Variants in EML3 observed in about 807,000 individuals in gnomAD.
The protein encoded by EML3 is echinoderm microtubule-associated protein-like 3.
Under a neutral mutation model 106.7 loss-of-function variants are expected in EML3, and 53 were observed. That is an observed-to-expected ratio of 0.50 (90% CI 0.40 to 0.62). The LOEUF (loss-of-function observed/expected upper bound fraction) is 0.62. EML3 is among the 20% of genes least tolerant of loss of function. The pLI is 0.00. For missense variants in EML3, 994 were observed against 1,209.1 expected (o/e 0.82, Z 2.64); for synonymous variants, 499 against 489.6 (o/e 1.02, Z -0.25).
chr11:62,602,560 A>T lies in EML3; in HGVS notation c.2606T>A (p.Val869Glu). 4 of 1,517,852 alleles carry T rather than the reference A, an allele frequency of 2.6e-6. No individual in the cohort carries two copies. Among genetic ancestry groups the T allele is most frequent in the Non-Finnish European group, 3.5e-6 (4 of 1,132,838 alleles). The allele number at this position is 1,517,852 out of a possible 1,614,324, so 94.0% of individuals were successfully genotyped here. Residue 869 changes from valine (V) to glutamate (E), a missense_variant, in exon 22 of 22, where the codon GTG becomes GAG. Around this residue, in one of 3 missense-constraint regions of EML3, gnomAD observed 713 missense variants for 920.5 expected, o/e 0.77. Coordinates refer to ENST00000394773, the MANE Select transcript of EML3 (RefSeq NM_153265.3). ...CGGCCCCGCGCCCCCAGCGCCCAGC[A>T]CTCGCCACTGGAAGATGCTGGCGTC... ...GKDASIFQWRVLGAGGAGPAP... is the reference protein window; with the variant it reads ...GKDASIFQWRELGAGGAGPAP...
chr11:62,604,433 A>AGTGCAG (rs1466181214), intron 16 of EML3, among the ~76,000 whole-genome samples: 1 of 152,046 alleles, frequency 6.6e-6, no homozygotes, highest in Non-Finnish European at 1.5e-5. Context: ...CCCAGGCTGG[A>AGTGCAG]GTGCAGTGGC....
chr11:62,609,305 T>A (rs1942692386), intron 6 of EML3, 49 bp downstream of exon 6: 2 of 1,531,438 alleles, frequency 1.3e-6, no homozygotes, highest in Non-Finnish European at 1.8e-6. Context: ...GTAAGAGGGG[T>A]CCCAAGGTGA....
intron 20 of EML3, 116 bp from the exon 21 acceptor site, chr11:62,603,005 G>T: frequency 6.7e-7 from 1 of 1,484,012 alleles, no homozygotes. Context: ...TTCCAGGCAA[G>T]CCTTCCCGGT....
At position 62,604,539 on chromosome 11, in the gene EML3, G is replaced by A. The variant is rs1386507201; in HGVS notation, c.1983-338C>T. Reference sequence around the variant, plus strand: ...ATTACAGGTGCGTACCACCATGCCCGTCTAATTTTTGTATTTTTAGTGGAG... The same window carrying A: ...ATTACAGGTGCGTACCACCATGCCCATCTAATTTTTGTATTTTTAGTGGAG... On this transcript the variant is annotated intron_variant, in intron 16 of 21. Coordinates refer to ENST00000394773, the MANE Select transcript of EML3 (RefSeq NM_153265.3). Among the ~76,000 whole-genome samples the A allele has an allele frequency of 3.9e-5, 6 of 152,008 alleles. No individual in the cohort carries two copies. In the South Asian group the frequency reaches 6.2e-4, roughly 16 times the overall value.
intron 11 of EML3, chr11:62,607,324 C>CA (rs1218026924): frequency 3.5e-4 from 132 of 372,850 alleles, no homozygotes; most frequent in South Asian, 7.9e-4. Flanking sequence ...GTCTCAAAAA[C>CA]AAAAAAAACA....
rs1942776303 is a variant in EML3 at position 62,610,875 on chromosome 11, C to T, written c.566+4G>A. 1 of 1,606,796 alleles carries T rather than the reference C, an allele frequency of 6.2e-7. No homozygotes were observed. ...GGGGTGGGTTGAGGGGAAGCCTCACCCACCTCTCTGTGCTCCCGGACCGCA... is the reference window on the plus strand; with the variant it reads ...GGGGTGGGTTGAGGGGAAGCCTCACTCACCTCTCTGTGCTCCCGGACCGCA... On this transcript the variant is annotated splice_donor_region_variant and intron_variant, in intron 4 of 21. Coordinates refer to ENST00000394773, the MANE Select transcript of EML3 (RefSeq NM_153265.3).
rs1331992484 is a variant in EML3 at position 62,604,194 on chromosome 11, C to T, written c.1990G>A (p.Val664Ile). 3 of 1,613,734 alleles carry T rather than the reference C, an allele frequency of 1.9e-6. No individual in the cohort carries two copies. The highest frequency in any genetic ancestry group is 1.7e-5 in the Admixed American group (1 of 59,990). Residue 664 changes from valine to isoleucine, a missense_variant, in exon 17 of 22, where the codon GTT becomes ATT. Coordinates refer to ENST00000394773, the MANE Select transcript of EML3 (RefSeq NM_153265.3). ...AVGLNTGRWL[V>I]LDTETREIVS... Reference sequence around the variant, plus strand: ...ATCTCTCTGGTCTCTGTGTCCAAAACCAACCACCTGGAAGGGAGGGAAGTG... The same window carrying T: ...ATCTCTCTGGTCTCTGTGTCCAAAATCAACCACCTGGAAGGGAGGGAAGTG...
chr11:62,605,479 T>C lies in EML3; in HGVS notation c.1914+163A>G, dbSNP rs934500573. On this transcript the variant is annotated intron_variant, in intron 15 of 21. Coordinates refer to ENST00000394773, the MANE Select transcript of EML3 (RefSeq NM_153265.3). This position sits in a 1 kb window ranked among gnomAD's most constrained non-coding sequence, Gnocchi z 5.2. ...AGGTGGTACTAGAAGCATCAGCTTT[T>C]ACCAGTCAGTACAGAAAAATTAATA... The C allele has an allele frequency of 4.7e-6, 5 of 1,057,882 alleles. No homozygotes were observed. The highest frequency in any genetic ancestry group is 5.1e-5 in the East Asian group (2 of 39,512). 65.5% of individuals were successfully genotyped at this position (1,057,882 alleles called of 1,614,324 possible). A position where few individuals can be genotyped will look rare whatever the true frequency, so the allele number is the denominator to read the frequency against.
rs1216261479 is a variant in EML3 at position 62,602,315 on chromosome 11, G to A, written c.*160C>T. On this transcript the variant is annotated 3_prime_UTR_variant, in exon 22 of 22. Transcript: ENST00000394773. ...CAGCCAGCGGGTCTAAACAGTGTGTGCAGGGGCGCCGTTCGCGCCCTCCAG... is the reference window on the plus strand; with the variant it reads ...CAGCCAGCGGGTCTAAACAGTGTGTACAGGGGCGCCGTTCGCGCCCTCCAG... 1.3e-6 allele frequency: 2 copies of A among 1,550,914 alleles called. No homozygotes were observed. The highest frequency in any genetic ancestry group is 1.7e-6 in the Non-Finnish European group (2 of 1,146,874).
intron 12 of EML3, among the ~76,000 whole-genome samples, chr11:62,606,647 A>G (rs1942535353): frequency 6.6e-6 from 1 of 152,240 alleles, no homozygotes; most frequent in Non-Finnish European, 1.5e-5. Context: ...ACCTGAGGTC[A>G]GGAATTCGAG....
rs1452595960 is a variant in EML3 at position 62,612,580 on chromosome 11, C to A, written c.-123G>T. 4 of 995,510 alleles carry A rather than the reference C, an allele frequency of 4.0e-6. No individual in the cohort carries two copies. Among genetic ancestry groups the A allele is most frequent in the Non-Finnish European group, 5.3e-6 (4 of 753,162 alleles). 61.7% of individuals were successfully genotyped at this position (995,510 alleles called of 1,614,324 possible). On this transcript the variant is annotated 5_prime_UTR_variant, in exon 1 of 22. Coordinates refer to ENST00000394773, the MANE Select transcript of EML3 (RefSeq NM_153265.3). ...CGCGCGAAGGGCGCCGTACCACCAC[C>A]CCGAGGGGGCGCTGTCGGGCGCGGG...
intron 13 of EML3, 29 bp from the exon 14 acceptor site, chr11:62,606,009 C>T: frequency 6.2e-7 from 1 of 1,613,630 alleles, no homozygotes; most frequent in Non-Finnish European, 8.5e-7. Context: ...ATGTCAAGAG[C>T]CCACTGACTA....
rs1266124579 is a variant in EML3 at position 62,602,753 on chromosome 11, C to T, written c.2487+6G>A. 1.2e-6 allele frequency: 2 copies of T among 1,610,832 alleles called. No individual in the cohort carries two copies. The highest frequency in any genetic ancestry group is 2.2e-5 in the East Asian group (1 of 44,820). On this transcript the variant is annotated splice_donor_region_variant and intron_variant, in intron 21 of 21. Transcript: ENST00000394773. Reference sequence around the variant, plus strand: ...GGTCCCACCCCGGCGATCCCCGCGGCCTCACCTTGGCACGAGCGCACGGGT... The same window carrying T: ...GGTCCCACCCCGGCGATCCCCGCGGTCTCACCTTGGCACGAGCGCACGGGT...
chr11:62,603,184 G>A lies in EML3; in HGVS notation c.2321C>T (p.Ala774Val), dbSNP rs760436124. 5 of 1,614,074 alleles carry A rather than the reference G, an allele frequency of 3.1e-6. No homozygotes were observed. The East Asian group carries it at 6.7e-5, about 22-fold the overall frequency. Residue 774 changes from alanine (A) to valine (V), a missense_variant, in exon 20 of 22, where the codon GCT (alanine) becomes GTT (valine). Around this residue, in one of 3 missense-constraint regions of EML3, gnomAD observed 713 missense variants for 920.5 expected, o/e 0.77. Coordinates refer to ENST00000394773, the MANE Select transcript of EML3 (RefSeq NM_153265.3). ...AAAGCCCAGCACACAGGTGTAGGTA[G>A]CCCATTCCCGGTCTCGGCTCTCATA... ...NRYESRDREW[A>V]TYTCVLGFHV...
Position 62,608,951 on chromosome 11 carries a change from G to A in EML3, c.929+11C>T, listed in dbSNP as rs766860241. ...TCTTCCTGCCAAGCCCACCAGCCCC[G>A]GACTCCTCACCATCGAACGCAGTCT... On this transcript the variant is annotated intron_variant, in intron 7 of 21. Transcript: ENST00000394773. 1.2e-5 allele frequency: 20 copies of A among 1,612,502 alleles called. No individual in the cohort carries two copies. The highest frequency in any genetic ancestry group is 4.0e-5 in the African/African-American group (3 of 74,840).
chr11:62,612,182 A>T, intron 1 of EML3: 1 of 517,684 alleles, frequency 1.9e-6, no homozygotes, highest in South Asian at 2.5e-5. Flanking sequence ...AGAGGCCCGG[A>T]GTAACGCAGG....
In EML3 at chr11:62,605,687, C is replaced by T; in HGVS notation, c.1869G>A (p.Leu623=). The change falls in exon 15 of 22, where the codon CTG becomes CTA. Residue 623 remains leucine, a synonymous_variant. Coordinates refer to ENST00000394773, the MANE Select transcript of EML3 (RefSeq NM_153265.3). The surrounding 1 kb of genome is among the most constrained non-coding windows in gnomAD (Gnocchi z 5.2). The part of the protein sequence containing the change: ...LTCGHDRQLC[L]WDGESHALAW... ...CCAGTGCATGGCTCTCCCCATCCCACAGGCAGAGCTGCCGGTCGTGGCCGC... is the reference window on the plus strand; with the variant it reads ...CCAGTGCATGGCTCTCCCCATCCCATAGGCAGAGCTGCCGGTCGTGGCCGC... 4 of 1,594,488 alleles carry T rather than the reference C, an allele frequency of 2.5e-6. No homozygotes were observed. The highest frequency in any genetic ancestry group is 3.4e-6 in the Non-Finnish European group (4 of 1,169,848).
At chr11:62,604,881 C>T (rs1243046667) in intron 16 of EML3, 3 of 391,982 alleles carry the variant, frequency 7.7e-6, no homozygotes, top group African/African-American at 2.1e-5. Context: ...GGGCTGCTGC[C>T]TCCTCCACTC....
intron 1 of EML3, 200 bp from the exon 2 acceptor site, chr11:62,611,796 T>C (rs1190029552): frequency 3.2e-6 from 2 of 616,666 alleles, no homozygotes; most frequent in Admixed American, 3.4e-5. Context: ...GCGAGAAACC[T>C]GGCAAAGCTC....
Sources: gnomAD v4.1 joint callset for allele counts (sites outside exome capture counted in the v4.1 genomes callset) on GRCh38, gnomAD v4.1.1 for gene constraint, gnomAD v4.1.1 regional missense constraint, Gnocchi (gnomAD v3.1) non-coding constraint, MANE v1.5 for transcripts, NCBI Gene and HGNC (gene_info 2026-07-23, HGNC 2026-07-21) for gene names.